The following MPPED2 variants were observed in gnomAD, a reference collection of about 807,000 sequenced individuals.
MPPED2 encodes the protein metallophosphoesterase MPPED2.
In MPPED2, 5 loss-of-function variants were observed where a neutral mutation model predicts 33.0. The observed-to-expected ratio is 0.15, with a 90% CI of 0.08 to 0.32. MPPED2 has a LOEUF of 0.32. MPPED2 is among the 10% of genes least tolerant of loss of function. MPPED2 has a pLI of 1.00. For synonymous variants in MPPED2, 136 were observed against 141.9 expected, an observed-to-expected ratio of 0.96 and a Z score of 0.29; for missense variants, 275 against 372.1, an observed-to-expected ratio of 0.74 and a Z score of 2.15.
At chr11:30,536,238 G>T in intron 2 of MPPED2, 63 bp from the exon 3 acceptor site, 2 of 1,340,126 alleles carry the variant, frequency 1.5e-6, no homozygotes, top group Admixed American at 2.8e-5. Flanking sequence ...AATTGTCGTC[G>T]CACATACATA....
chr11:30,435,171 C>A (rs1278636452), intron 4 of MPPED2, among the ~76,000 whole-genome samples: 1 of 152,146 alleles, frequency 6.6e-6, no homozygotes. Flanking sequence ...CTTATTTTGC[C>A]AGTGTTTTAG....
chr11:30,528,520 G>T (rs1049015807), intron 3 of MPPED2, among the ~76,000 whole-genome samples: 4 of 152,172 alleles, frequency 2.6e-5, no homozygotes, highest in African/African-American at 9.7e-5. Flanking sequence ...GGCTCCCAAA[G>T]TGCTGGGATT....
At chr11:30,426,398 T>A (rs900647006) in intron 4 of MPPED2, among the ~76,000 whole-genome samples, 3 of 151,556 alleles carry the variant, frequency 2.0e-5, no homozygotes, top group East Asian at 1.9e-4. Flanking sequence ...TCATTTTTTT[T>A]ATCTAAGAAG....
At chr11:30,549,679 A>T (rs1955605702) in intron 2 of MPPED2, among the ~76,000 whole-genome samples, 1 of 151,802 alleles carries the variant, frequency 6.6e-6, no homozygotes, top group South Asian at 2.1e-4. Context: ...AAAAACAAAA[A>T]CCTCACAGGT....
intron 3 of MPPED2, among the ~76,000 whole-genome samples, chr11:30,518,053 A>G (rs923101525): frequency 1.3e-5 from 2 of 152,206 alleles, no homozygotes; most frequent in Non-Finnish European, 1.5e-5. Flanking sequence ...CCAGGCAGGC[A>G]AAGAAATCAA....
intron 4 of MPPED2, among the ~76,000 whole-genome samples, chr11:30,423,132 G>A (rs1179828908): frequency 6.6e-6 from 1 of 152,132 alleles, no homozygotes; most frequent in Non-Finnish European, 1.5e-5. Context: ...GCAGAAGGGA[G>A]GTGCCAAGCC....
At chr11:30,567,235 T>C (rs1956484812) in intron 2 of MPPED2, among the ~76,000 whole-genome samples, 1 of 152,162 alleles carries the variant, frequency 6.6e-6, no homozygotes, top group Admixed American at 6.6e-5. Flanking sequence ...ACAGACCAAA[T>C]TGGCCATAAA....
intron 6 of MPPED2, 137 bp from the exon 7 acceptor site, chr11:30,411,723 A>G (rs937965684): frequency 2.6e-5 from 13 of 508,722 alleles, no homozygotes; most frequent in Non-Finnish European, 3.9e-5. Flanking sequence ...CCTCAGATAT[A>G]ATGACTTTCA....
chr11:30,504,438 A>G (rs1393604468), intron 3 of MPPED2, among the ~76,000 whole-genome samples: 1 of 152,200 alleles, frequency 6.6e-6, no homozygotes, highest in East Asian at 1.9e-4. Flanking sequence ...GGGGGCTGAT[A>G]GCAGAGAAGG....
chr11:30,571,764 G>T (rs952207298), intron 2 of MPPED2, among the ~76,000 whole-genome samples: 4 of 152,170 alleles, frequency 2.6e-5, no homozygotes, highest in African/African-American at 9.6e-5. Flanking sequence ...AGTTTGCTGT[G>T]CAGGATGCAG....
intron 6 of MPPED2, chr11:30,388,984 GGA>G (rs141564216): frequency 1.8e-3 from 2,668 of 1,498,320 alleles, no homozygotes; most frequent in South Asian, 5.3e-3. Flanking sequence ...AAAGAGAGAG[GGA>G]GAGAGAGAGA....
intron 2 of MPPED2, among the ~76,000 whole-genome samples, chr11:30,565,533 T>C (rs1249265592): frequency 6.6e-6 from 1 of 152,110 alleles, no homozygotes; most frequent in Admixed American, 6.6e-5. Context: ...GCTCCAACCC[T>C]GCACTCAAGT....
intron 2 of MPPED2, among the ~76,000 whole-genome samples, chr11:30,540,425 C>T (rs1231155022): frequency 6.6e-6 from 1 of 152,114 alleles, no homozygotes; most frequent in Admixed American, 6.5e-5. Flanking sequence ...AATATAGTAC[C>T]TATCTCCTAA....
chr11:30,395,428 C>G (rs1012991045), intron 6 of MPPED2, among the ~76,000 whole-genome samples: 1 of 152,178 alleles, frequency 6.6e-6, no homozygotes, highest in Non-Finnish European at 1.5e-5. Flanking sequence ...GGCTGACCCT[C>G]AAGTTCATAA....
rs770815500 is a variant in MPPED2, at chr11:30,419,194, G to A, written c.537-1561C>T. The stretch of plus-strand genomic sequence containing the variant: ...TGTATTAACTCATTTAAGCCTCGCA[G>A]CAAACTCATGAGGTGGGCACTATTA... On this transcript the variant is annotated intron_variant, in intron 4 of 6. Transcript: ENST00000358117. Among the ~76,000 whole-genome samples, 3 of 152,170 alleles carry A rather than the reference G, an allele frequency of 2.0e-5. 1 individual carries two copies. In the South Asian group the frequency reaches 6.2e-4, roughly 32 times the overall value.
Position 30,536,065 on chromosome 11 carries a change from A to C in MPPED2, c.239T>G (p.Ile80Ser). 6.2e-7 allele frequency: 1 copy of C among 1,613,584 alleles called. No individual in the cohort carries two copies. ...GGTGAAATCGCCTGTGTGGAGAAGGATGTCCCCATAAGGCATCTGGATACC... is the reference window on the plus strand; with the variant it reads ...GGTGAAATCGCCTGTGTGGAGAAGGCTGTCCCCATAAGGCATCTGGATACC... ...TDGIQMPYGDILLHTGDFTEL... is the reference protein window; with the variant it reads ...TDGIQMPYGDSLLHTGDFTEL... Residue 80 changes from isoleucine (I) to serine (S), a missense_variant, in exon 3 of 7, where the codon ATC becomes AGC. By Grantham distance (142) the Ile-to-Ser change is moderately radical. Coordinates refer to ENST00000358117, the MANE Select transcript of MPPED2 (RefSeq NM_001584.3).
At chr11:30,462,210 C>T (rs531353554) in intron 4 of MPPED2, among the ~76,000 whole-genome samples, 50 of 152,328 alleles carry the variant, frequency 3.3e-4, no homozygotes, top group Middle Eastern at 3.4e-3. Flanking sequence ...GTAAAGATGT[C>T]CCCATTACCA....
In MPPED2 at chr11:30,410,775, T is replaced by C; in HGVS notation, c.*693A>G. On this transcript the variant is annotated 3_prime_UTR_variant, in exon 7 of 7. Coordinates refer to ENST00000358117, the MANE Select transcript of MPPED2 (RefSeq NM_001584.3). ...CATTTTTTTAACCGTATGAAATACC[T>C]GCTCTTGACAGATTCCATTTCTGTA... is the stretch of plus-strand genomic sequence containing the variant. 1.0e-6 allele frequency: 1 copy of C among 985,256 alleles called. No homozygotes were observed. The highest frequency in any genetic ancestry group is 1.2e-6 in the Non-Finnish European group (1 of 829,358). The allele number at this position is 985,256 out of a possible 1,614,324, so 61.0% of individuals were successfully genotyped here.
At chr11:30,517,015 T>TA (rs1953571470) in intron 3 of MPPED2, among the ~76,000 whole-genome samples, 2 of 152,088 alleles carry the variant, frequency 1.3e-5, no homozygotes, top group Admixed American at 1.3e-4. Flanking sequence ...GGAATGGCGA[T>TA]AAAACAACAA....
Sources: gnomAD v4.1 joint callset for allele counts (sites outside exome capture counted in the v4.1 genomes callset) on GRCh38, gnomAD v4.1.1 for gene constraint, MANE v1.5 for transcripts, NCBI Gene and HGNC (gene_info 2026-07-23, HGNC 2026-07-21) for gene names.